SLC18B1: variants seen among roughly 807,000 people sequenced by gnomAD.
SLC18B1 encodes the protein MFS-type transporter SLC18B1.
A neutral mutation model predicts 53.9 loss-of-function variants in SLC18B1; 62 were observed. The observed-to-expected ratio is 1.15, with a 90% CI of 0.94 to 1.42. The LOEUF is 1.42. SLC18B1 is among the 40% of genes most tolerant of loss of function. The pLI is 0.00. For missense variants in SLC18B1, 598 were observed against 547.3 expected (o/e 1.09, Z -0.93); for synonymous variants, 217 against 200.9 (o/e 1.08, Z -0.68).
At position 132,783,996 on chromosome 6, in the gene SLC18B1, T is replaced by C. The variant is rs756783949; in HGVS notation, c.595A>G (p.Ile199Val). The C allele has an allele frequency of 2.5e-6, 4 of 1,610,640 alleles. No homozygotes were observed. Among genetic ancestry groups the C allele is most frequent in the Non-Finnish European group, 3.4e-6 (4 of 1,178,602 alleles). The change falls in exon 6 of 14, where the codon ATT becomes GTT. Residue 199 changes from isoleucine (I) to valine (V), a missense_variant. Physicochemically the swap from Ile to Val is conservative, Grantham distance 29. Coordinates refer to ENST00000275227, the MANE Select transcript of SLC18B1 (RefSeq NM_052831.3). ...YQSFGYEVPF[I>V]VLGCVVLLMV... is the part of the protein sequence containing the mutation. ...AGCAAAACGACGCATCCCAGAACAA[T>C]AAAAGGCACTTCATAGCCAAAGGAT... is the stretch of plus-strand genomic sequence containing the variant.
chr6:132,787,675 A>C, intron 4 of SLC18B1, 94 bp from the exon 5 acceptor site: 1 of 1,121,388 alleles, frequency 8.9e-7, no homozygotes, highest in Non-Finnish European at 1.2e-6. Flanking sequence ...ATAGTACCTC[A>C]CTCATGGTTT....
In SLC18B1 at chr6:132,798,637, T is replaced by G; in HGVS notation, c.-181A>C. The stretch of plus-strand genomic sequence containing the variant: ...AGCTCCCCAAAGCCTTCCAGGACTC[T>G]GGGTCCCCGGGAGGAGGCCGGGGGC... On this transcript the variant is annotated 5_prime_UTR_variant, in exon 1 of 14. Transcript: ENST00000275227. The G allele has an allele frequency of 4.4e-6, 2 of 458,562 alleles. No homozygotes were observed. The highest frequency in any genetic ancestry group is 3.7e-5 in the East Asian group (1 of 27,076). 28.4% of individuals were successfully genotyped at this position (458,562 alleles called of 1,614,324 possible). A position where few individuals can be genotyped will look rare whatever the true frequency, so the allele number is the denominator to read the frequency against.
chr6:132,788,642 G>A (rs1198400591), intron 4 of SLC18B1, among the ~76,000 whole-genome samples: 2 of 152,038 alleles, frequency 1.3e-5, no homozygotes, highest in African/African-American at 2.4e-5. Context: ...CCAACATGGC[G>A]AAATCCCATC....
chr6:132,774,329 G>C lies in SLC18B1; in HGVS notation c.898-16C>G. On this transcript the variant is annotated splice_polypyrimidine_tract_variant and intron_variant, in intron 8 of 13. Transcript: ENST00000275227. ...TCCTTAGAGGCTGGTAAAGGAGAAA[G>C]AGAGTCAAAATGATTCTTAGAGGCA... 1 of 1,600,382 alleles carries C rather than the reference G, an allele frequency of 6.2e-7. No homozygotes were observed. The highest frequency in any genetic ancestry group is 1.7e-5 in the Admixed American group (1 of 58,896).
In SLC18B1 at chr6:132,773,778, A is replaced by G. The variant is rs895858953; in HGVS notation, c.989+444T>C. On this transcript the variant is annotated intron_variant, in intron 9 of 13. Transcript: ENST00000275227. ...AAGTTCAGTTTATTTTAGCAACTAA[A>G]TTACATTAAGCAAGGTCTAATAAGC... Among the ~76,000 whole-genome samples, 5 of 152,314 alleles carry G rather than the reference A, an allele frequency of 3.3e-5. No homozygotes were observed. The East Asian group carries it at 9.6e-4, about 29-fold the overall frequency.
Position 132,784,014 on chromosome 6 carries a change from CA to C in SLC18B1, c.576del (p.Phe192LeufsTer16), listed in dbSNP as rs1349327062. 1 of 1,610,582 alleles carries C rather than the reference CA, an allele frequency of 6.2e-7. No individual in the cohort carries two copies. Among genetic ancestry groups the C allele is most frequent in the Admixed American group, 1.7e-5 (1 of 59,384 alleles). Reference sequence around the variant, plus strand: ...AGAACAATAAAAGGCACTTCATAGCCAAAGGATTGATACAAAAAGCCACCTA... The same window carrying C: ...AGAACAATAAAAGGCACTTCATAGCCAAGGATTGATACAAAAAGCCACCTA... ...PPVGGFLYQS[F>X]GYEVPFIVLG... On this transcript the variant is annotated frameshift_variant, in exon 6 of 14. Transcript: ENST00000275227. LOFTEE classifies it high-confidence loss of function.
rs1267292680 is a variant in SLC18B1, at chr6:132,770,024, G to A, written c.*246C>T. ...TAAAAACTAAGTCTTGTTTTGTTTT[G>A]CTTGTTTTTAATTACTCCTTTCATA... On this transcript the variant is annotated 3_prime_UTR_variant, in exon 14 of 14. Transcript: ENST00000275227. The A allele has an allele frequency of 3.2e-6, 1 of 307,952 alleles. No homozygotes were observed. Among genetic ancestry groups the A allele is most frequent in the East Asian group, 5.4e-5 (1 of 18,440 alleles). 19.1% of individuals were successfully genotyped at this position (307,952 alleles called of 1,614,324 possible).
chr6:132,795,877 C>T (rs1781661803), intron 2 of SLC18B1, among the ~76,000 whole-genome samples: 1 of 152,134 alleles, frequency 6.6e-6, no homozygotes. Context: ...TAAACATTGG[C>T]GCTAGAGTCC....
intron 2 of SLC18B1, among the ~76,000 whole-genome samples, chr6:132,794,169 T>A (rs1444442684): frequency 6.6e-6 from 1 of 151,014 alleles, no homozygotes; most frequent in Admixed American, 6.6e-5. Flanking sequence ...AGTGGGGCGA[T>A]CTCGGCTCAC....
rs1781757475 is a variant in SLC18B1, at chr6:132,798,486, T to C, written c.-30A>G. The C allele has an allele frequency of 6.8e-7, 1 of 1,480,324 alleles. No individual in the cohort carries two copies. Among genetic ancestry groups the C allele is most frequent in the East Asian group, 2.7e-5 (1 of 37,264 alleles). The allele number at this position is 1,480,324 out of a possible 1,614,324, so 91.7% of individuals were successfully genotyped here. On this transcript the variant is annotated 5_prime_UTR_variant, in exon 1 of 14. Coordinates refer to ENST00000275227, the MANE Select transcript of SLC18B1 (RefSeq NM_052831.3). ...GGTGCGTGGACTCCGGCGCCCCAGCTCCCGGCTTCAAGCCACGTCCTTGGA... is the reference window on the plus strand; with the variant it reads ...GGTGCGTGGACTCCGGCGCCCCAGCCCCCGGCTTCAAGCCACGTCCTTGGA...
intron 1 of SLC18B1, 101 bp downstream of exon 1, chr6:132,798,313 T>C: frequency 7.8e-7 from 1 of 1,279,112 alleles, no homozygotes; most frequent in East Asian, 3.0e-5. Flanking sequence ...TTCCAATCTC[T>C]CGGAAACAGA....
intron 8 of SLC18B1, among the ~76,000 whole-genome samples, chr6:132,775,660 C>G (rs1781081398): frequency 6.6e-6 from 1 of 152,136 alleles, no homozygotes; most frequent in South Asian, 2.1e-4. Context: ...TGGTTTAAAC[C>G]TGGTTGAAAG....
At chr6:132,776,451 A>G in intron 7 of SLC18B1, 22 bp from the exon 8 acceptor site, 1 of 1,562,682 alleles carries the variant, frequency 6.4e-7, no homozygotes, top group Non-Finnish European at 8.8e-7. Flanking sequence ...ATCCTATATT[A>G]AAGTTACATA....
intron 10 of SLC18B1, among the ~76,000 whole-genome samples, 163 bp downstream of exon 10, chr6:132,772,830 T>C (rs777730906): frequency 8.5e-5 from 13 of 152,234 alleles, no homozygotes; most frequent in Admixed American, 4.6e-4. Context: ...TCTATTAGTG[T>C]ATTATTACTA....
intron 2 of SLC18B1, among the ~76,000 whole-genome samples, chr6:132,792,302 A>AAGAAAG (rs1781561355): frequency 1.1e-5 from 1 of 95,080 alleles, no homozygotes; most frequent in South Asian, 4.0e-4. Flanking sequence ...GAAGGAAGGA[A>AAGAAAG]GGAAGGAAGG....
At chr6:132,779,077 C>T (rs1385869627) in intron 7 of SLC18B1, among the ~76,000 whole-genome samples, 191 bp downstream of exon 7, 2 of 152,170 alleles carry the variant, frequency 1.3e-5, no homozygotes, top group African/African-American at 4.8e-5. Flanking sequence ...TGAAAGACTT[C>T]CTTCATTTTT....
chr6:132,775,821 G>C (rs1781084973), intron 8 of SLC18B1, among the ~76,000 whole-genome samples: 1 of 152,124 alleles, frequency 6.6e-6, no homozygotes, highest in Non-Finnish European at 1.5e-5. Flanking sequence ...CTCTCAATTT[G>C]ATCAAGTCCA....
At chr6:132,780,275 AT>A (rs1485488439) in intron 6 of SLC18B1, among the ~76,000 whole-genome samples, 1 of 151,602 alleles carries the variant, frequency 6.6e-6, no homozygotes, top group African/African-American at 2.4e-5. Flanking sequence ...TAATTTAAAA[AT>A]TTTTTAGAGA....
chr6:132,770,416 T>G, intron 13 of SLC18B1, 80 bp from the exon 14 acceptor site: 1 of 1,207,610 alleles, frequency 8.3e-7, no homozygotes, highest in African/African-American at 1.5e-5. Flanking sequence ...CCAGTACCTG[T>G]ATCTCCATCC....
Sources: gnomAD v4.1 joint callset for allele counts (sites outside exome capture counted in the v4.1 genomes callset) on GRCh38, gnomAD v4.1.1 for gene constraint, MANE v1.5 for transcripts, NCBI Gene and HGNC (gene_info 2026-07-23, HGNC 2026-07-21) for gene names.